ANKS1B: variants seen among roughly 807,000 people sequenced by gnomAD.
ANKS1B encodes ankyrin repeat and sterile alpha motif domain containing 1B.
Under a neutral mutation model 148.3 loss-of-function variants are expected in ANKS1B, and 36 were observed. The observed-to-expected ratio is 0.24, with a 90% CI of 0.19 to 0.32. ANKS1B has a LOEUF of 0.32. Among genes scored for constraint, ANKS1B ranks in the 10% least tolerant of loss-of-function variants. The pLI, the probability that ANKS1B is intolerant of heterozygous loss-of-function variation, is 1.00. For missense variants in ANKS1B, 1,157 were observed against 1,542.6 expected (o/e 0.75, Z 4.19); for synonymous variants, 542 against 560.8 (o/e 0.97, Z 0.47).
chr12:99,154,818 A>G (rs2075804847), intron 14 of ANKS1B: 4 of 1,511,330 alleles, frequency 2.6e-6, no homozygotes, highest in Non-Finnish European at 3.5e-6. Flanking sequence ...ACTCATCAGT[A>G]TGCAGCTCCA....
chr12:99,665,485 CTTCT>C (rs1365739018), intron 8 of ANKS1B, among the ~76,000 whole-genome samples: 4 of 151,028 alleles, frequency 2.6e-5, no homozygotes, highest in African/African-American at 9.8e-5. Context: ...GGTTGTTCGA[CTTCT>C]TTTTTTTTTT....
chr12:99,077,037 AAAAC>A (rs2048090575), intron 16 of ANKS1B, among the ~76,000 whole-genome samples: 1 of 152,180 alleles, frequency 6.6e-6, no homozygotes, highest in Admixed American at 6.6e-5. Flanking sequence ...CCCCGGCAAA[AAAAC>A]AAAAAACAAA....
At chr12:99,876,731 CA>C (rs34676678) in intron 1 of ANKS1B, among the ~76,000 whole-genome samples, 117,217 of 140,898 alleles carry the variant, frequency 0.83, 47,826 homozygotes, top group East Asian at 0.94. Flanking sequence ...CTGCTTCTCA[CA>C]AAAAAAAAAA....
At chr12:99,716,275 C>T (rs1377522847) in intron 8 of ANKS1B, among the ~76,000 whole-genome samples, 2 of 151,946 alleles carry the variant, frequency 1.3e-5, no homozygotes, top group East Asian at 1.9e-4. Context: ...CGCCCCGATC[C>T]CTTATTTCCA....
At chr12:99,836,836 C>T (rs985460614) in intron 1 of ANKS1B, among the ~76,000 whole-genome samples, 1 of 152,102 alleles carries the variant, frequency 6.6e-6, no homozygotes, top group Non-Finnish European at 1.5e-5. Flanking sequence ...CATTGTCACA[C>T]GAACACTGAT....
intron 14 of ANKS1B, among the ~76,000 whole-genome samples, chr12:99,226,815 A>G (rs771948988): frequency 2.6e-5 from 4 of 152,228 alleles, no homozygotes; most frequent in African/African-American, 4.8e-5. Context: ...ACGTAAAAAA[A>G]CTACATCAAC....
chr12:99,098,869 T>C (rs2057135934), intron 15 of ANKS1B, among the ~76,000 whole-genome samples: 1 of 148,310 alleles, frequency 6.7e-6, no homozygotes, highest in East Asian at 2.0e-4. Context: ...GCATTTGGGG[T>C]TTAATTTCTG....
intron 2 of ANKS1B, among the ~76,000 whole-genome samples, chr12:99,817,858 G>T (rs914972206): frequency 4.6e-5 from 7 of 151,660 alleles, no homozygotes; most frequent in East Asian, 1.9e-4. Flanking sequence ...AAATTATTTG[G>T]TTTTTTGCTA....
chr12:99,239,609 T>G (rs1026384909), intron 14 of ANKS1B, among the ~76,000 whole-genome samples: 1 of 151,956 alleles, frequency 6.6e-6, no homozygotes, highest in African/African-American at 2.4e-5. Context: ...CCAAGACACA[T>G]AATCATCAGA....
At chr12:99,524,232 T>C (rs11109895) in intron 9 of ANKS1B, among the ~76,000 whole-genome samples, 41,800 of 152,098 alleles carry the variant, frequency 0.27, 6,908 homozygotes, top group African/African-American at 0.47. Flanking sequence ...AAAATAACTT[T>C]TTTTTAAAAC....
rs2099088474 is a variant in ANKS1B, at chr12:98,810,733, C to T, written c.3067-2815G>A. Among the ~76,000 whole-genome samples, 3 of 152,224 alleles carry T rather than the reference C, an allele frequency of 2.0e-5. No individual in the cohort carries two copies. The South Asian group carries it at 6.2e-4, about 32-fold the overall frequency. On this transcript the variant is annotated intron_variant, in intron 19 of 26. Coordinates refer to ENST00000683438, the MANE Select transcript of ANKS1B (RefSeq NM_001352186.2). The stretch of plus-strand genomic sequence containing the variant: ...AAAGGGGCCATGCCCAGTCTGCCTG[C>T]CTGATGGGCACAAGGCCATTTAACC...
At chr12:99,075,928 AAT>A (rs1339782760) in intron 16 of ANKS1B, among the ~76,000 whole-genome samples, 2 of 149,948 alleles carry the variant, frequency 1.3e-5, no homozygotes, top group Non-Finnish European at 3.0e-5. Flanking sequence ...ATAATATGTT[AAT>A]GTTATACAAT....
intron 8 of ANKS1B, among the ~76,000 whole-genome samples, chr12:99,678,217 T>G (rs150041302): frequency 1.3e-5 from 2 of 152,250 alleles, no homozygotes; most frequent in African/African-American, 4.8e-5. Flanking sequence ...AAGACTATAG[T>G]TCTATAAATG....
chr12:99,302,382 TAAAAC>T (rs1294764373), intron 12 of ANKS1B, among the ~76,000 whole-genome samples: 1 of 152,086 alleles, frequency 6.6e-6, no homozygotes, highest in East Asian at 1.9e-4. Context: ...CCATTTGCCT[TAAAAC>T]AAAACAACAG....
chr12:99,267,592 A>G (rs373612699), intron 12 of ANKS1B, among the ~76,000 whole-genome samples: 1 of 100,822 alleles, frequency 9.9e-6, no homozygotes, highest in South Asian at 2.5e-4. Context: ...CATTTATTCA[A>G]TCTTCCAACA....
chr12:98,959,916 GA>G (rs2099868412), intron 17 of ANKS1B, among the ~76,000 whole-genome samples: 1 of 152,184 alleles, frequency 6.6e-6, no homozygotes, highest in Non-Finnish European at 1.5e-5. Flanking sequence ...GGGGAGGGAA[GA>G]GTAGAAGAAC....
chr12:99,469,800 T>C (rs2152898497), intron 10 of ANKS1B, among the ~76,000 whole-genome samples: 1 of 152,216 alleles, frequency 6.6e-6, no homozygotes, highest in South Asian at 2.1e-4. Flanking sequence ...TTCTATCCAT[T>C]TTACTTTAAT....
chr12:99,941,720 C>T (rs1391919284), intron 1 of ANKS1B, among the ~76,000 whole-genome samples: 2 of 152,082 alleles, frequency 1.3e-5, no homozygotes, highest in Non-Finnish European at 2.9e-5. Flanking sequence ...GAGGAAGGAG[C>T]ATTTAAGTTG....
chr12:99,296,574 A>G (rs1016439265), intron 12 of ANKS1B, among the ~76,000 whole-genome samples: 12 of 152,190 alleles, frequency 7.9e-5, no homozygotes, highest in African/African-American at 2.4e-4. Flanking sequence ...TTAAATTTAT[A>G]TCCCTCATCT....
Sources: gnomAD v4.1 joint callset for allele counts (sites outside exome capture counted in the v4.1 genomes callset) on GRCh38, gnomAD v4.1.1 for gene constraint, MANE v1.5 for transcripts, NCBI Gene and HGNC (gene_info 2026-07-23, HGNC 2026-07-21) for gene names.